Variants in FRMPD4 observed in about 807,000 individuals in gnomAD.
FRMPD4 encodes FERM and PDZ domain containing 4.
FRMPD4 carries 22 observed loss-of-function variants against 94.1 expected under a neutral mutation model. That is an observed-to-expected ratio of 0.23 (90% CI 0.17 to 0.33). FRMPD4 has a LOEUF of 0.33. Among genes scored for constraint, FRMPD4 ranks in the 10% least tolerant of loss-of-function variants. The pLI is 1.00. For synonymous variants in FRMPD4, 631 were observed against 548.6 expected (o/e 1.15, Z -2.10); for missense variants, 1,111 against 1,339.9 (o/e 0.83, Z 2.67).
intron 2 of FRMPD4, among the ~76,000 whole-genome samples, chrX:12,570,677 A>G (rs1166475418): frequency 3.6e-5 from 4 of 111,808 alleles, no homozygotes; most frequent in African/African-American, 1.3e-4. Flanking sequence ...CCCTTTATTC[A>G]TAGCAAGGGT....
chrX:12,477,775 A>G (rs773624570), intron 1 of FRMPD4, among the ~76,000 whole-genome samples: 1 of 112,939 alleles, frequency 8.9e-6, no homozygotes, highest in Non-Finnish European at 1.9e-5. Flanking sequence ...CCTATTCAAC[A>G]TTATGACTGT....
intron 1 of FRMPD4, among the ~76,000 whole-genome samples, chrX:12,230,690 G>T (rs918261108): frequency 3.7e-5 from 4 of 106,795 alleles, no homozygotes; most frequent in South Asian, 4.1e-4. Context: ...TTGAACTCAG[G>T]ACATAAACCA....
chrX:12,127,806 G>A (rs1428316030), intron 3 of FRMPD4, among the ~76,000 whole-genome samples: 1 of 112,483 alleles, frequency 8.9e-6, no homozygotes, highest in African/African-American at 3.2e-5. Flanking sequence ...ACAGGCATTG[G>A]ATGTATACAC....
intron 4 of FRMPD4, among the ~76,000 whole-genome samples, chrX:12,663,765 AGCATGGAATCTATAAAT>A (rs2059744411): frequency 8.9e-6 from 1 of 112,569 alleles, no homozygotes; most frequent in African/African-American, 3.2e-5. Flanking sequence ...TGATGGAGAT[AGCATGGAATCTATAAAT>A]TACTTTTGAC....
intron 9 of FRMPD4, among the ~76,000 whole-genome samples, chrX:12,701,653 C>G (rs1367305788): frequency 1.8e-5 from 2 of 112,349 alleles, no homozygotes; most frequent in Non-Finnish European, 3.8e-5. Flanking sequence ...AATAGCAGCT[C>G]GTCGATGAAT....
intron 1 of FRMPD4, among the ~76,000 whole-genome samples, chrX:12,415,469 T>A (rs190274718): frequency 8.9e-6 from 1 of 111,740 alleles, no homozygotes; most frequent in African/African-American, 3.2e-5. Context: ...TGAAAAAATA[T>A]GATTAAAGGA....
At chrX:12,168,868 G>T (rs2056172560) in intron 1 of FRMPD4, among the ~76,000 whole-genome samples, 1 of 111,230 alleles carries the variant, frequency 9.0e-6, no homozygotes. Flanking sequence ...CTCGTGATCT[G>T]CCCGCCTCGG....
intron 1 of FRMPD4, among the ~76,000 whole-genome samples, chrX:12,403,772 G>T (rs1002624498): frequency 3.6e-5 from 4 of 111,088 alleles, no homozygotes; most frequent in African/African-American, 1.3e-4. Flanking sequence ...CTCTCCCCTG[G>T]CTGTTCTTCT....
rs1395079793 is a variant in FRMPD4 at position 12,318,553 on chromosome X, CAT to C, written c.41+179544_41+179545del. 6.1e-3 allele frequency among the ~76,000 whole-genome samples: 679 copies of C among 111,269 alleles called. 5 individuals carry two copies. The highest frequency in any genetic ancestry group is 0.02 in the African/African-American group (627 of 30,609). The stretch of plus-strand genomic sequence containing the variant: ...CAAACAAACAAGCAAACAAACAAAA[CAT>C]ATGTGGAAGCTAAGAAAATTGACCT... On this transcript the variant is annotated intron_variant, in intron 1 of 16. Transcript: ENST00000675598.
intron 1 of FRMPD4, among the ~76,000 whole-genome samples, chrX:11,825,636 T>A (rs2053439431): frequency 9.0e-6 from 1 of 111,209 alleles, no homozygotes; most frequent in South Asian, 3.8e-4. Flanking sequence ...GTAATAAAAT[T>A]TCATAGAACT....
intron 1 of FRMPD4, among the ~76,000 whole-genome samples, chrX:12,355,750 A>G (rs182958762): frequency 0.011 from 1,187 of 111,782 alleles, 11 homozygotes; most frequent in Non-Finnish European, 0.017. Flanking sequence ...CAACTTTCAT[A>G]TTACTTCTTT....
At chrX:11,851,949 A>C (rs1411865389) in intron 1 of FRMPD4, among the ~76,000 whole-genome samples, 3 of 66,582 alleles carry the variant, frequency 4.5e-5, no homozygotes, top group Non-Finnish European at 5.2e-5. Context: ...TAAATATTAT[A>C]CAAAAAAAAA....
chrX:12,716,898 C>T lies in FRMPD4; in HGVS notation c.2439C>T (p.Gly813=). ...LNMAIAAPPP[G]FRDSSDEEDS... ...TGGCCATTGCCGCACCCCCACCTGG[C>T]TTTAGAGACAGTTCAGATGAAGAGG... The change falls in exon 15 of 17, where the codon GGC becomes GGT. Residue 813 remains glycine, a synonymous_variant. Coordinates refer to ENST00000675598, the MANE Select transcript of FRMPD4 (RefSeq NM_001368397.1). 8.3e-7 allele frequency: 1 copy of T among 1,211,137 alleles called. No homozygotes were observed. The highest frequency in any genetic ancestry group is 1.7e-5 in the African/African-American group (1 of 57,819).
upstream of FRMPD4, among the ~76,000 whole-genome samples, chrX:12,134,876 C>T (rs2055583962): frequency 8.9e-6 from 1 of 112,407 alleles, no homozygotes; most frequent in Non-Finnish European, 1.9e-5. Context: ...TCATGTGCCT[C>T]AACTCATATG....
At chrX:12,350,990 ATG>A (rs2055798721) in intron 1 of FRMPD4, among the ~76,000 whole-genome samples, 3 of 111,679 alleles carry the variant, frequency 2.7e-5, no homozygotes, top group African/African-American at 9.7e-5. Flanking sequence ...CCTGGCCAAC[ATG>A]GTGAAACCCC....
chrX:12,107,782 C>CTTCA, intron 3 of FRMPD4, among the ~76,000 whole-genome samples: 1 of 111,616 alleles, frequency 9.0e-6, no homozygotes, highest in South Asian at 3.8e-4. Flanking sequence ...AATGCACAAG[C>CTTCA]TTCAGTAGCC....
chrX:11,830,280 A>T (rs1183827629), intron 1 of FRMPD4, among the ~76,000 whole-genome samples: 1 of 112,319 alleles, frequency 8.9e-6, no homozygotes, highest in African/African-American at 3.2e-5. Context: ...ATTTAAAGAA[A>T]GAGTTGAAAT....
chrX:12,378,048 C>T (rs189423930), intron 1 of FRMPD4, among the ~76,000 whole-genome samples: 24 of 112,197 alleles, frequency 2.1e-4, no homozygotes, highest in African/African-American at 7.1e-4. Context: ...GGCCTCAGTG[C>T]GCACCCAAGG....
At chrX:11,876,907 T>A (rs767143558) in intron 2 of FRMPD4, among the ~76,000 whole-genome samples, 2 of 112,449 alleles carry the variant, frequency 1.8e-5, no homozygotes, top group Non-Finnish European at 3.8e-5. Context: ...AAGACACTTT[T>A]AGTTGTCACA....
Sources: gnomAD v4.1 joint callset for allele counts (sites outside exome capture counted in the v4.1 genomes callset) on GRCh38, gnomAD v4.1.1 for gene constraint, MANE v1.5 for transcripts, NCBI Gene and HGNC (gene_info 2026-07-23, HGNC 2026-07-21) for gene names.